Variants in IFNAR1 observed in about 807,000 individuals in gnomAD.
IFNAR1 encodes the protein interferon alpha and beta receptor subunit 1.
Under a neutral mutation model 62.1 loss-of-function variants are expected in IFNAR1, and 47 were observed. The ratio of observed to expected loss-of-function variants is 0.76; its 90% CI spans 0.60 to 0.97. The LOEUF (loss-of-function observed/expected upper bound fraction) is 0.97, where lower values mean the gene tolerates loss of function less well. Among genes scored for constraint, IFNAR1 ranks in the 50% least tolerant of loss-of-function variants. The pLI, the probability that IFNAR1 is intolerant of heterozygous loss-of-function variation, is 0.00. For missense variants in IFNAR1, 638 were observed against 654.5 expected (o/e 0.97, Z 0.27); for synonymous variants, 219 against 226.9 (o/e 0.97, Z 0.31).
intron 1 of IFNAR1, among the ~76,000 whole-genome samples, chr21:33,325,584 A>G (rs2083119350): frequency 1.3e-5 from 2 of 152,200 alleles, no homozygotes; most frequent in Non-Finnish European, 2.9e-5. Flanking sequence ...GGCCAATAAA[A>G]AATGACAGTC....
intron 1 of IFNAR1, chr21:33,334,970 C>T (rs960523002): frequency 1.9e-6 from 3 of 1,578,266 alleles, no homozygotes; most frequent in African/African-American, 2.7e-5. Flanking sequence ...GTTGTTACTA[C>T]CCAGGGCTCA....
intron 10 of IFNAR1, 71 bp from the exon 11 acceptor site, chr21:33,355,245 A>G (rs937931273): frequency 1.3e-6 from 1 of 779,904 alleles, no homozygotes; most frequent in African/African-American, 1.8e-5. Flanking sequence ...AACTAAAGCT[A>G]TTACAACTAG....
rs187918590 is a variant in IFNAR1 at position 33,346,614 on chromosome 21, T to C, written c.788+1254T>C. On this transcript the variant is annotated intron_variant, in intron 6 of 10. Transcript: ENST00000270139. Reference sequence around the variant, plus strand: ...AAGCTTCTTTTGGGTACTTACCATATTGTACAAAGCACTGAAGAAATGGAA... The same window carrying C: ...AAGCTTCTTTTGGGTACTTACCATACTGTACAAAGCACTGAAGAAATGGAA... 2.3e-4 allele frequency among the ~76,000 whole-genome samples: 35 copies of C among 152,348 alleles called. No individual in the cohort carries two copies. In the East Asian group the frequency reaches 6.4e-3, roughly 28 times the overall value.
At chr21:33,352,120 CT>C (rs2123268878) in intron 8 of IFNAR1, among the ~76,000 whole-genome samples, 1 of 152,208 alleles carries the variant, frequency 6.6e-6, no homozygotes, top group South Asian at 2.1e-4. Context: ...GTAAGTGATA[CT>C]CTTAATAAGG....
At chr21:33,338,588 G>A (rs906996865) in intron 2 of IFNAR1, among the ~76,000 whole-genome samples, 3 of 150,004 alleles carry the variant, frequency 2.0e-5, no homozygotes, top group Non-Finnish European at 2.9e-5. Flanking sequence ...ACACTCTTCT[G>A]ACTGCTTAGA....
intron 1 of IFNAR1, chr21:33,334,541 C>G: frequency 2.1e-6 from 1 of 470,586 alleles, no homozygotes; most frequent in Non-Finnish European, 4.2e-6. Flanking sequence ...TAAGGGAGTT[C>G]ATTACCGCTA....
chr21:33,332,671 CATG>C (rs1238215572), intron 1 of IFNAR1, among the ~76,000 whole-genome samples: 2 of 152,038 alleles, frequency 1.3e-5, no homozygotes, highest in Admixed American at 6.5e-5. Flanking sequence ...AAAATTAAAA[CATG>C]ATGAAAAACA....
intron 2 of IFNAR1, among the ~76,000 whole-genome samples, chr21:33,337,685 A>G (rs991370136): frequency 7.2e-5 from 3 of 41,808 alleles, no homozygotes; most frequent in African/African-American, 3.6e-4. Flanking sequence ...TATAATACAT[A>G]CTGTATACAT....
At chr21:33,343,230 A>G (rs905447164) in intron 3 of IFNAR1, 38 bp from the exon 4 acceptor site, 2 of 1,581,618 alleles carry the variant, frequency 1.3e-6, no homozygotes, top group Non-Finnish European at 8.7e-7. Context: ...GCATTGTATT[A>G]ATAAAGTTCC....
chr21:33,345,151 C>A, intron 5 of IFNAR1, 95 bp from the exon 6 acceptor site: 3 of 673,448 alleles, frequency 4.5e-6, no homozygotes, highest in Non-Finnish European at 5.3e-6. Context: ...TTAACTATTA[C>A]CTTATAATGA....
intron 3 of IFNAR1, 147 bp downstream of exon 3, chr21:33,341,321 A>G (rs1246140475): frequency 1.2e-5 from 7 of 582,660 alleles, no homozygotes; most frequent in Admixed American, 3.1e-5. Flanking sequence ...TCTTCCTGCT[A>G]TGGCTCCATT....
At chr21:33,353,952 T>G (rs1329530771) in intron 10 of IFNAR1, among the ~76,000 whole-genome samples, 169 bp downstream of exon 10, 1 of 152,222 alleles carries the variant, frequency 6.6e-6, no homozygotes, top group African/African-American at 2.4e-5. Context: ...AGTAATTTCA[T>G]GTAATAACAT....
intron 2 of IFNAR1, among the ~76,000 whole-genome samples, chr21:33,337,189 C>CTCCA (rs2083245709): frequency 6.6e-6 from 1 of 151,856 alleles, no homozygotes; most frequent in African/African-American, 2.4e-5. Flanking sequence ...CACCACTGTA[C>CTCCA]TCCAGCCTGG....
intron 5 of IFNAR1, 52 bp from the exon 6 acceptor site, chr21:33,345,194 T>C (rs2083333540): frequency 2.4e-6 from 2 of 846,852 alleles, no homozygotes; most frequent in Non-Finnish European, 4.0e-6. Flanking sequence ...TTGCCAGTTA[T>C]CTCACTTGAG....
chr21:33,333,733 C>T (rs1486142333), intron 1 of IFNAR1, among the ~76,000 whole-genome samples: 2 of 151,230 alleles, frequency 1.3e-5, no homozygotes, highest in African/African-American at 4.9e-5. Flanking sequence ...ACGCCATTCT[C>T]CTGCCTCAGC....
intron 8 of IFNAR1, among the ~76,000 whole-genome samples, chr21:33,351,179 C>T (rs2083393539): frequency 2.6e-5 from 4 of 152,136 alleles, no homozygotes; most frequent in Admixed American, 6.5e-5. Flanking sequence ...CAAAACAACC[C>T]TGCCGGATTA....
chr21:33,333,622 T>TC, intron 1 of IFNAR1, among the ~76,000 whole-genome samples: 1 of 132,554 alleles, frequency 7.5e-6, no homozygotes, highest in East Asian at 2.2e-4. Context: ...ATATTTTTTT[T>TC]TTTCTTTTTT....
At chr21:33,350,974 G>A (rs1226037247) in intron 8 of IFNAR1, among the ~76,000 whole-genome samples, 1 of 152,160 alleles carries the variant, frequency 6.6e-6, no homozygotes, top group Non-Finnish European at 1.5e-5. Context: ...TGTTTATAAG[G>A]TTTAAAAGGA....
chr21:33,343,455 G>T, intron 4 of IFNAR1, 33 bp downstream of exon 4: 2 of 1,590,518 alleles, frequency 1.3e-6, no homozygotes, highest in Middle Eastern at 1.7e-4. Flanking sequence ...TTTAATCGAT[G>T]TGAGAGAAAA....
Sources: gnomAD v4.1 joint callset for allele counts (sites outside exome capture counted in the v4.1 genomes callset) on GRCh38, gnomAD v4.1.1 for gene constraint, MANE v1.5 for transcripts, NCBI Gene and HGNC (gene_info 2026-07-23, HGNC 2026-07-21) for gene names.